CDK17: variants seen among roughly 807,000 people sequenced by gnomAD.
CDK17 encodes the protein cyclin-dependent kinase 17.
In CDK17, 24 loss-of-function variants were observed where a neutral mutation model predicts 77.6. The observed-to-expected ratio is 0.31, with a 90% CI of 0.22 to 0.44. The LOEUF (loss-of-function observed/expected upper bound fraction) is 0.44, where lower values mean the gene tolerates loss of function less well. Ranked by LOEUF, CDK17 falls within the 20% of genes least tolerant of loss-of-function variation. CDK17 has a pLI of 1.00. For missense variants in CDK17, 429 were observed against 622.5 expected (o/e 0.69, Z 3.31); for synonymous variants, 203 against 210.4 (o/e 0.96, Z 0.30).
intron 5 of CDK17, among the ~76,000 whole-genome samples, chr12:96,310,529 G>A (rs1048833177): frequency 2.0e-5 from 3 of 151,916 alleles, no homozygotes; most frequent in African/African-American, 4.8e-5. Flanking sequence ...CTAATCTTTA[G>A]CATCAGAAGG....
intron 2 of CDK17, among the ~76,000 whole-genome samples, chr12:96,332,297 A>C (rs1413574603): frequency 6.6e-6 from 1 of 152,322 alleles, no homozygotes; most frequent in Admixed American, 6.5e-5. Context: ...CCCCACTGTT[A>C]AGCAATGCAT....
chr12:96,339,366 G>A (rs1463846213), intron 1 of CDK17, among the ~76,000 whole-genome samples: 1 of 151,800 alleles, frequency 6.6e-6, no homozygotes, highest in Non-Finnish European at 1.5e-5. Flanking sequence ...CCAGGGGCTG[G>A]GGGAAGGACA....
intron 10 of CDK17, among the ~76,000 whole-genome samples, chr12:96,292,031 CAATTA>C (rs1952331250): frequency 6.6e-6 from 1 of 151,946 alleles, no homozygotes; most frequent in Non-Finnish European, 1.5e-5. Flanking sequence ...GAGAGAGTAA[CAATTA>C]TTATAAGGGA....
chr12:96,324,771 A>AG, intron 2 of CDK17, among the ~76,000 whole-genome samples: 1 of 152,098 alleles, frequency 6.6e-6, no homozygotes, highest in South Asian at 2.1e-4. Flanking sequence ...CGTCTCAAAA[A>AG]GAAAAAAAAA....
chr12:96,342,167 ATAACAT>A (rs900435858), intron 1 of CDK17, among the ~76,000 whole-genome samples: 4 of 152,220 alleles, frequency 2.6e-5, no homozygotes, highest in Admixed American at 1.3e-4. Flanking sequence ...TTATTTCTTC[ATAACAT>A]TTTCAGCAAC....
intron 5 of CDK17, among the ~76,000 whole-genome samples, chr12:96,308,495 G>A (rs1490214547): frequency 6.6e-6 from 1 of 151,612 alleles, no homozygotes; most frequent in Non-Finnish European, 1.5e-5. Flanking sequence ...TTGGGAGGCC[G>A]AGGCGGGTGG....
intron 2 of CDK17, among the ~76,000 whole-genome samples, chr12:96,326,974 C>T (rs1952899308): frequency 6.6e-6 from 1 of 152,132 alleles, no homozygotes; most frequent in South Asian, 2.1e-4. Flanking sequence ...TCAAAAATAT[C>T]ACTGTGAAGG....
At chr12:96,347,616 GGGAGGGGAA>G in intron 1 of CDK17, among the ~76,000 whole-genome samples, 2 of 40,986 alleles carry the variant, frequency 4.9e-5, no homozygotes, top group African/African-American at 7.8e-5. Context: ...GGGAGGGGAA[GGGAGGGGAA>G]GGGAGGGGAG....
At chr12:96,280,396 G>A (rs1361259813) in intron 16 of CDK17, 117 bp from the exon 17 acceptor site, 1 of 1,496,568 alleles carries the variant, frequency 6.7e-7, no homozygotes, top group East Asian at 2.5e-5. Flanking sequence ...TCCATGGTAA[G>A]AGTGATCAGC....
chr12:96,303,794 A>G (rs1056934158), intron 5 of CDK17, among the ~76,000 whole-genome samples: 3 of 152,110 alleles, frequency 2.0e-5, no homozygotes, highest in African/African-American at 7.2e-5. Flanking sequence ...TAGCAACATA[A>G]TTACTCTATC....
chr12:96,332,178 G>A (rs1952982277), intron 2 of CDK17, among the ~76,000 whole-genome samples: 1 of 152,164 alleles, frequency 6.6e-6, no homozygotes, highest in African/African-American at 2.4e-5. Context: ...TAAGTAACAG[G>A]TTGTACCATG....
At chr12:96,384,706 T>C (rs987335635) in intron 1 of CDK17, among the ~76,000 whole-genome samples, 1 of 152,132 alleles carries the variant, frequency 6.6e-6, no homozygotes, top group Non-Finnish European at 1.5e-5. Flanking sequence ...GAGCTAAACA[T>C]TGAGCACACA....
chr12:96,394,694 T>A (rs930429135), intron 1 of CDK17, among the ~76,000 whole-genome samples: 2 of 150,898 alleles, frequency 1.3e-5, no homozygotes, highest in African/African-American at 4.9e-5. Flanking sequence ...TCACACCACC[T>A]GTGGTCCCAG....
intron 1 of CDK17, among the ~76,000 whole-genome samples, chr12:96,361,751 T>C (rs915284554): frequency 9.2e-5 from 14 of 152,096 alleles, no homozygotes; most frequent in African/African-American, 2.7e-4. Flanking sequence ...ACCTTAAGAA[T>C]TGGGGGAAAA....
chr12:96,352,134 T>C (rs966334300), intron 1 of CDK17, among the ~76,000 whole-genome samples: 9 of 152,146 alleles, frequency 5.9e-5, no homozygotes, highest in African/African-American at 1.9e-4. Context: ...GGGGGCAAGA[T>C]AGATTAAAAT....
At chr12:96,370,429 T>C (rs1953672607) in intron 1 of CDK17, among the ~76,000 whole-genome samples, 1 of 152,142 alleles carries the variant, frequency 6.6e-6, no homozygotes, top group Non-Finnish European at 1.5e-5. Flanking sequence ...ACTTCCACAA[T>C]GGAATTTAAT....
chr12:96,339,171 G>T (rs980630582), intron 1 of CDK17, among the ~76,000 whole-genome samples: 3 of 152,120 alleles, frequency 2.0e-5, no homozygotes, highest in Non-Finnish European at 4.4e-5. Context: ...TGTTATTACA[G>T]AATTAATTCA....
intron 1 of CDK17, among the ~76,000 whole-genome samples, chr12:96,342,944 C>A (rs369299131): frequency 9.9e-4 from 146 of 148,184 alleles, no homozygotes; most frequent in Middle Eastern, 6.8e-3. Flanking sequence ...CCTGGGCCAA[C>A]AAGAGAGAAA....
In CDK17 at chr12:96,291,712, G is replaced by A. The variant is rs182777056; in HGVS notation, c.998-2425C>T. ...TGGCTCACTGCAACCTCCGCCTCCC[G>A]GGTTCAAGCAATTCTCCTGCCTAAA... On this transcript the variant is annotated intron_variant, in intron 10 of 16. Transcript: ENST00000261211. Among the ~76,000 whole-genome samples, 9 of 141,694 alleles carry A rather than the reference G, an allele frequency of 6.4e-5. No homozygotes were observed. The East Asian group carries it at 1.3e-3, about 20-fold the overall frequency. The allele number at this position is 141,694 out of a possible 152,430, so 93.0% of individuals were successfully genotyped here.
Sources: allele counts gnomAD v4.1 joint callset (sites outside exome capture counted in the v4.1 genomes callset), GRCh38; gene constraint gnomAD v4.1.1; transcripts MANE v1.5; gene names NCBI Gene and HGNC (gene_info 2026-07-23, HGNC 2026-07-21).